NBPF3: variants seen among roughly 807,000 people sequenced by gnomAD.
The protein encoded by NBPF3 is NBPF member 3.
NBPF3 carries 57 observed loss-of-function variants against 78.1 expected under a neutral mutation model. That is an observed-to-expected ratio of 0.73 (90% CI 0.59 to 0.91). The LOEUF is 0.91. Among genes scored for constraint, NBPF3 ranks in the 40% least tolerant of loss-of-function variants. The pLI is 0.00. For synonymous variants in NBPF3, 182 were observed against 271.7 expected, an observed-to-expected ratio of 0.67 and a Z score of 3.25; for missense variants, 510 against 715.3, an observed-to-expected ratio of 0.71 and a Z score of 3.27.
At chr1:21,449,570 A>C (rs1641184302) in intron 2 of NBPF3, among the ~76,000 whole-genome samples, 1 of 152,084 alleles carries the variant, frequency 6.6e-6, no homozygotes, top group Non-Finnish European at 1.5e-5. Context: ...TCCTGAGTTC[A>C]AGTGATTCTC....
At chr1:21,453,133 C>T (rs1398230111) in intron 2 of NBPF3, among the ~76,000 whole-genome samples, 3 of 152,190 alleles carry the variant, frequency 2.0e-5, no homozygotes, top group African/African-American at 4.8e-5. Context: ...GGGCTCGTCC[C>T]TTCTAGAATG....
intron 2 of NBPF3, among the ~76,000 whole-genome samples, chr1:21,450,912 A>G (rs1641271343): frequency 6.6e-6 from 1 of 152,256 alleles, no homozygotes; most frequent in South Asian, 2.1e-4. Context: ...ATGAGGGAAC[A>G]TGGAAGGGAT....
chr1:21,437,299 G>T, upstream of NBPF3: 1 of 414,012 alleles, frequency 2.4e-6, no homozygotes, highest in Non-Finnish European at 4.4e-6. Flanking sequence ...CTGGGGGTTT[G>T]TCTGGCATCG....
At chr1:21,480,653 A>G (rs1643167168) in intron 11 of NBPF3, among the ~76,000 whole-genome samples, 2 of 152,430 alleles carry the variant, frequency 1.3e-5, no homozygotes, top group Middle Eastern at 3.4e-3. Flanking sequence ...CTTTGAATTG[A>G]TGGGAGCAAT....
rs1472087199 is a variant in NBPF3 at position 21,480,199 on chromosome 1, C to T, written c.1357C>T (p.Leu453Phe). ...SDFYSLQEQH[L>F]GLALDLDRMK... ...CTTTTACTCATTGCAGGAACAACAC[C>T]TTGGCTTGGCTCTTGACTTGGACAG... is the stretch of plus-strand genomic sequence containing the variant. Residue 453 changes from leucine (L) to phenylalanine (F), a missense_variant, in exon 11 of 15, where the codon CTT (leucine) becomes TTT (phenylalanine). Transcript: ENST00000318249. 4.0e-6 allele frequency: 5 copies of T among 1,249,554 alleles called. 1 individual carries two copies. The African/African-American group carries it at 7.0e-5, about 17-fold the overall frequency. The allele number at this position is 1,249,554 out of a possible 1,614,324, so 77.4% of individuals were successfully genotyped here. A position where few individuals can be genotyped will look rare whatever the true frequency, so the allele number is the denominator to read the frequency against.
intron 12 of NBPF3, among the ~76,000 whole-genome samples, 188 bp downstream of exon 12, chr1:21,481,169 A>T (rs1335456698): frequency 3.4e-5 from 5 of 149,136 alleles, no homozygotes; most frequent in African/African-American, 1.2e-4. Context: ...TCCCCTTATC[A>T]CTTACTAACC....
intron 5 of NBPF3, among the ~76,000 whole-genome samples, chr1:21,472,029 G>A (rs1253154069): frequency 6.6e-6 from 1 of 152,202 alleles, no homozygotes; most frequent in Non-Finnish European, 1.5e-5. Context: ...GGAGCAAGAA[G>A]CTGCACGTTT....
At position 21,484,356 on chromosome 1, in the gene NBPF3, T is replaced by G. The variant is rs912814365; in HGVS notation, c.*970T>G. 1 of 132,888 alleles carries G rather than the reference T, an allele frequency of 7.5e-6. No individual in the cohort carries two copies. The highest frequency in any genetic ancestry group is 1.6e-5 in the Non-Finnish European group (1 of 61,532). The allele number at this position is 132,888 out of a possible 1,614,324, so 8.2% of individuals were successfully genotyped here. A position where few individuals can be genotyped will look rare whatever the true frequency, so the allele number is the denominator to read the frequency against. On this transcript the variant is annotated 3_prime_UTR_variant, in exon 15 of 15. Transcript: ENST00000318249. ...TTTCCTCATCTTTTTGTTGTTGTCA[T>G]TGATTTTGGTGACATGGACTTGTTT...
intron 2 of NBPF3, chr1:21,466,253 C>G: frequency 8.0e-6 from 2 of 248,480 alleles, no homozygotes; most frequent in Non-Finnish European, 1.3e-5. Context: ...GCTTCATCTT[C>G]AAAAATCCAA....
intron 2 of NBPF3, among the ~76,000 whole-genome samples, chr1:21,465,148 G>A (rs1439001693): frequency 6.6e-6 from 1 of 152,202 alleles, no homozygotes; most frequent in African/African-American, 2.4e-5. Context: ...TGAGGTATAG[G>A]GGAGAGAAGC....
chr1:21,465,048 A>C (rs1416406542), intron 2 of NBPF3, among the ~76,000 whole-genome samples: 1 of 149,586 alleles, frequency 6.7e-6, no homozygotes, highest in East Asian at 2.0e-4. Flanking sequence ...TTTAATAGTA[A>C]GTGGCCAAAA....
intron 8 of NBPF3, 106 bp downstream of exon 8, chr1:21,475,057 C>A: frequency 2.1e-6 from 2 of 975,444 alleles, no homozygotes; most frequent in Non-Finnish European, 3.2e-6. Context: ...TCCATTCACC[C>A]AGCTACAAGT....
At position 21,454,888 on chromosome 1, in the gene NBPF3, G is replaced by C. The variant is rs3894728; in HGVS notation, c.133+9669G>C. 4.0e-5 allele frequency among the ~76,000 whole-genome samples: 6 copies of C among 148,800 alleles called. No individual in the cohort carries two copies. The South Asian group carries it at 8.5e-4, about 21-fold the overall frequency. ...AGATCAGAAGTTCAGGCCTGGATTC[G>C]CTGGGTCTTCTTCTCAGGGCCTCAC... On this transcript the variant is annotated intron_variant, in intron 2 of 14. Transcript: ENST00000318249.
chr1:21,470,461 A>G (rs1642522965), intron 3 of NBPF3, among the ~76,000 whole-genome samples, 171 bp from the exon 4 acceptor site: 1 of 152,218 alleles, frequency 6.6e-6, no homozygotes, highest in Admixed American at 6.5e-5. Context: ...TTGGAGGATC[A>G]GCTGCCAGTA....
intron 2 of NBPF3, among the ~76,000 whole-genome samples, chr1:21,466,362 G>C (rs1642264027): frequency 1.3e-5 from 2 of 152,242 alleles, no homozygotes; most frequent in African/African-American, 4.8e-5. Flanking sequence ...TTAAGTCCAG[G>C]GCATAAAACC....
In NBPF3 at chr1:21,468,901, A is replaced by G. The variant is rs748791600; in HGVS notation, c.343+4A>G. On this transcript the variant is annotated splice_donor_region_variant and intron_variant, in intron 3 of 14. Coordinates refer to ENST00000318249, the MANE Select transcript of NBPF3 (RefSeq NM_032264.6). ...GCCAACCGGCAAAATAATTACGGTA[A>G]GTTCTATAGGCTCACCATCACAAAA... 1 of 1,604,884 alleles carries G rather than the reference A, an allele frequency of 6.2e-7. No individual in the cohort carries two copies. Among genetic ancestry groups the G allele is most frequent in the Non-Finnish European group, 8.5e-7 (1 of 1,171,896 alleles).
Position 21,452,357 on chromosome 1 carries a change from A to T in NBPF3, c.133+7138A>T, listed in dbSNP as rs542575333. 5.9e-5 allele frequency among the ~76,000 whole-genome samples: 9 copies of T among 152,348 alleles called. 1 individual carries two copies. The South Asian group carries it at 1.9e-3, about 32-fold the overall frequency. ...CGAGGAATGCCTGGACACAGTAGAC[A>T]AAGGTTGTTCAACTGGATGCCTTAG... On this transcript the variant is annotated intron_variant, in intron 2 of 14. Transcript: ENST00000318249.
intron 2 of NBPF3, among the ~76,000 whole-genome samples, chr1:21,463,592 G>A (rs10799693): frequency 0.014 from 2,076 of 152,210 alleles, 55 homozygotes; most frequent in African/African-American, 0.046. Context: ...ACAAACAACC[G>A]AAAAATAGAT....
intron 2 of NBPF3, among the ~76,000 whole-genome samples, chr1:21,447,246 C>T (rs1339305110): frequency 1.3e-5 from 2 of 152,190 alleles, no homozygotes; most frequent in African/African-American, 4.8e-5. Context: ...AATTGATGAA[C>T]CACTGTTGAT....
Sources: allele counts gnomAD v4.1 joint callset (sites outside exome capture counted in the v4.1 genomes callset), GRCh38; gene constraint gnomAD v4.1.1; transcripts MANE v1.5; gene names NCBI Gene and HGNC (gene_info 2026-07-23, HGNC 2026-07-21).